INPP4A: variants seen among roughly 807,000 people sequenced by gnomAD.
The protein encoded by INPP4A is inositol polyphosphate-4-phosphatase, type I, 107kD.
Under a neutral mutation model 119.8 loss-of-function variants are expected in INPP4A, and 33 were observed. That is an observed-to-expected ratio of 0.28 (90% CI 0.21 to 0.37). The LOEUF is 0.37. Among genes scored for constraint, INPP4A ranks in the 10% least tolerant of loss-of-function variants. INPP4A has a pLI of 1.00. For missense variants in INPP4A, 956 were observed against 1,289.9 expected, an observed-to-expected ratio of 0.74 and a Z score of 3.97; for synonymous variants, 496 against 500.7, an observed-to-expected ratio of 0.99 and a Z score of 0.12.
chr2:98,506,041 C>A lies in INPP4A; in HGVS notation c.-165-12923C>A, dbSNP rs1683987695. 2.6e-5 allele frequency among the ~76,000 whole-genome samples: 4 copies of A among 152,204 alleles called. No individual in the cohort carries two copies. The South Asian group carries it at 8.3e-4, about 31-fold the overall frequency. On this transcript the variant is annotated intron_variant, in intron 1 of 24. Coordinates refer to ENST00000409851, the MANE Select transcript of INPP4A (RefSeq NM_001134225.2). ...CATGAATGATACAAAAAAGAATCTG[C>A]TCTCATCCTAAAGTTCTGCCTTTTG...
intron 1 of INPP4A, among the ~76,000 whole-genome samples, chr2:98,512,493 G>A (rs537762445): frequency 6.6e-6 from 1 of 152,352 alleles, no homozygotes; most frequent in Admixed American, 6.5e-5. Flanking sequence ...TCTGGAGGCT[G>A]GGAAGTCCTG....
intron 1 of INPP4A, among the ~76,000 whole-genome samples, chr2:98,459,418 C>T (rs1015757832): frequency 3.3e-5 from 5 of 152,194 alleles, no homozygotes; most frequent in Admixed American, 3.3e-4. Context: ...GGAGGGCTGG[C>T]GTGCAGAGTG....
Position 98,535,754 on chromosome 2 carries a change from G to A in INPP4A, c.296G>A (p.Ser99Asn). The A allele has an allele frequency of 4.5e-6, 7 of 1,555,224 alleles. No homozygotes were observed. Among genetic ancestry groups the A allele is most frequent in the Non-Finnish European group, 6.2e-6 (7 of 1,134,036 alleles). The change falls in exon 6 of 25, where the codon AGC becomes AAC. Residue 99 changes from serine (S) to asparagine (N), a missense_variant. Physicochemically the swap from Ser to Asn is conservative, Grantham distance 46. Transcript: ENST00000409851. ...GGAACCAACAATCCTATATTTCTAA[G>A]CAGTATTGCCTTCTTTCAAGACTCT... ...IEGTNNPIFL[S>N]SIAFFQDSLI...
intron 1 of INPP4A, among the ~76,000 whole-genome samples, chr2:98,503,980 CAGAG>C (rs1228575950): frequency 1.2e-4 from 19 of 152,262 alleles, no homozygotes; most frequent in Non-Finnish European, 2.2e-4. Flanking sequence ...TGGGTAGCTA[CAGAG>C]CACTGCCCAA....
chr2:98,527,614 G>A (rs984868492), intron 4 of INPP4A, among the ~76,000 whole-genome samples: 3 of 152,200 alleles, frequency 2.0e-5, no homozygotes, highest in African/African-American at 7.2e-5. Flanking sequence ...AATTACCTGA[G>A]ATTGACCCTG....
intron 4 of INPP4A, among the ~76,000 whole-genome samples, chr2:98,524,944 A>C (rs769034317): frequency 6.6e-6 from 1 of 152,206 alleles, no homozygotes; most frequent in Non-Finnish European, 1.5e-5. Context: ...TTAAAGCAAT[A>C]TAAATGTATT....
At chr2:98,460,850 A>G (rs1697019087) in intron 1 of INPP4A, among the ~76,000 whole-genome samples, 1 of 152,214 alleles carries the variant, frequency 6.6e-6, no homozygotes, top group African/African-American at 2.4e-5. Flanking sequence ...CCAGCATTGG[A>G]GAAGAATCGT....
At chr2:98,489,224 G>A (rs1574694134) in intron 1 of INPP4A, among the ~76,000 whole-genome samples, 1 of 152,246 alleles carries the variant, frequency 6.6e-6, no homozygotes, top group East Asian at 1.9e-4. Context: ...GGAGGAGCCA[G>A]TTCTGAAGGG....
intron 10 of INPP4A, among the ~76,000 whole-genome samples, chr2:98,543,621 G>A (rs1367121021): frequency 3.3e-5 from 5 of 152,146 alleles, no homozygotes; most frequent in African/African-American, 1.2e-4. Context: ...AGTTTCCCTT[G>A]AACATTAGAC....
intron 1 of INPP4A, among the ~76,000 whole-genome samples, chr2:98,448,324 C>G (rs1404476560): frequency 7.0e-6 from 1 of 142,020 alleles, no homozygotes; most frequent in Non-Finnish European, 1.5e-5. Flanking sequence ...CCACTGCACT[C>G]TAGCCTAGGC....
At chr2:98,551,593 A>G (rs1432527014) in intron 13 of INPP4A, among the ~76,000 whole-genome samples, 1 of 152,178 alleles carries the variant, frequency 6.6e-6, no homozygotes, top group African/African-American at 2.4e-5. Context: ...GAAGGGGCCA[A>G]TGGGGAAGAT....
intron 1 of INPP4A, among the ~76,000 whole-genome samples, chr2:98,494,845 C>G (rs912813810): frequency 6.6e-6 from 1 of 152,172 alleles, no homozygotes; most frequent in Non-Finnish European, 1.5e-5. Flanking sequence ...AACAATAGAG[C>G]AATCAGGCAG....
intron 2 of INPP4A, 191 bp downstream of exon 2, chr2:98,519,216 G>A (rs1242103016): frequency 6.6e-6 from 1 of 152,230 alleles, no homozygotes. Context: ...GAGACAGCAG[G>A]AGTTGTAGCA....
Position 98,539,593 on chromosome 2 carries a change from C to A in INPP4A, c.736C>A (p.Leu246Met). ...CACTGATGGTAACCATTTGCGGATC[C>A]TGGAGCAGATGGCAGAGAGCGTGCT... Reference protein sequence around the residue: ...PTTDGNHLRILEQMAESVLSL... With the variant: ...PTTDGNHLRIMEQMAESVLSL... The change falls in exon 10 of 25, where the codon CTG becomes ATG. Residue 246 changes from leucine to methionine, a missense_variant. Coordinates refer to ENST00000409851, the MANE Select transcript of INPP4A (RefSeq NM_001134225.2). The A allele has an allele frequency of 1.2e-6, 2 of 1,612,364 alleles. No homozygotes were observed. Among genetic ancestry groups the A allele is most frequent in the South Asian group, 2.2e-5 (2 of 90,842 alleles).
At chr2:98,542,424 A>T (rs1053412306) in intron 10 of INPP4A, among the ~76,000 whole-genome samples, 2 of 145,306 alleles carry the variant, frequency 1.4e-5, no homozygotes, top group African/African-American at 2.8e-5. Flanking sequence ...GTGCAGTATA[A>T]AAAAAAAATT....
intron 1 of INPP4A, among the ~76,000 whole-genome samples, chr2:98,515,714 G>A (rs1029844487): frequency 6.6e-6 from 1 of 152,198 alleles, no homozygotes; most frequent in Non-Finnish European, 1.5e-5. Context: ...TCCTGAGGTG[G>A]AGGGACCTGC....
chr2:98,509,521 A>AGGTTGGG (rs1420663941), intron 1 of INPP4A, among the ~76,000 whole-genome samples: 1 of 152,198 alleles, frequency 6.6e-6, no homozygotes, highest in African/African-American at 2.4e-5. Flanking sequence ...GGTGTCAATA[A>AGGTTGGG]GGTTGGGGAC....
At chr2:98,571,796 A>G (rs1355659089) in intron 22 of INPP4A, 1 of 152,356 alleles carries the variant, frequency 6.6e-6, no homozygotes, top group African/African-American at 2.4e-5. Context: ...GAGAAGCCAA[A>G]GTGCATCTTG....
chr2:98,548,817 C>A, intron 13 of INPP4A: 1 of 759,254 alleles, frequency 1.3e-6, no homozygotes, highest in South Asian at 1.6e-5. Flanking sequence ...TGATTGTAGT[C>A]ATCCCTGTAG....
Sources: gnomAD v4.1 joint callset for allele counts (sites outside exome capture counted in the v4.1 genomes callset) on GRCh38, gnomAD v4.1.1 for gene constraint, MANE v1.5 for transcripts, NCBI Gene and HGNC (gene_info 2026-07-23, HGNC 2026-07-21) for gene names.